AFG2B: variants seen among roughly 807,000 people sequenced by gnomAD.
The protein encoded by AFG2B is ATPase family gene 2 protein homolog B.
At chr15:45,419,997 CAAAAA>C in the AFG2B span, among the ~76,000 whole-genome samples, 9 of 53,700 alleles carry the variant, frequency 1.7e-4, no homozygotes, top group East Asian at 1.1e-3. Flanking sequence ...CCCCCCCCCC[CAAAAA>C]AAAAAAAAAA....
chr15:45,414,773 T>G, the AFG2B span: 1 of 1,613,746 alleles, frequency 6.2e-7, no homozygotes, highest in Non-Finnish European at 8.5e-7. Context: ...GAAAAAGTGT[T>G]GTCTCAGGTT....
At chr15:45,418,560 A>G in the AFG2B span, 1 of 1,594,596 alleles carries the variant, frequency 6.3e-7, no homozygotes, top group Non-Finnish European at 8.5e-7. Flanking sequence ...GTTCCAGGGC[A>G]GGCTTTCTAT....
chr15:45,409,320 G>A, the AFG2B span, among the ~76,000 whole-genome samples: 2 of 151,288 alleles, frequency 1.3e-5, no homozygotes, highest in East Asian at 3.9e-4. Context: ...GAGGCTGCAG[G>A]GAGCCAAGAT....
chr15:45,408,806 G>T, the AFG2B span, among the ~76,000 whole-genome samples: 5 of 152,244 alleles, frequency 3.3e-5, no homozygotes, highest in African/African-American at 1.2e-4. Context: ...GATCACTTGA[G>T]CCCAGGTGTT....
chr15:45,415,844 C>T, the AFG2B span: 1 of 1,482,278 alleles, frequency 6.7e-7, no homozygotes, highest in Middle Eastern at 1.7e-4. Flanking sequence ...AAAATCCAGG[C>T]CAACATTAAA....
the AFG2B span, chr15:45,417,012 C>T: frequency 4.9e-5 from 15 of 305,774 alleles, no homozygotes; most frequent in Non-Finnish European, 9.3e-5. Context: ...TGGGATAAGG[C>T]TTTTCATAGG....
At chr15:45,419,997 C>CCCCAAAAAAAAAAAAAAA in the AFG2B span, among the ~76,000 whole-genome samples, 1 of 53,710 alleles carries the variant, frequency 1.9e-5, no homozygotes, top group Admixed American at 3.0e-4. Flanking sequence ...CCCCCCCCCC[C>CCCCAAAAAAAAAAAAAAA]AAAAAAAAAA....
At chr15:45,415,546 G>A in the AFG2B span, 1 of 1,357,570 alleles carries the variant, frequency 7.4e-7, no homozygotes, top group Non-Finnish European at 1.0e-6. Flanking sequence ...CATGACTAAT[G>A]TATAACATAT....
chr15:45,410,526 A>G, the AFG2B span: 1 of 1,605,958 alleles, frequency 6.2e-7, no homozygotes, highest in Non-Finnish European at 8.5e-7. Flanking sequence ...CTGAAGTTAA[A>G]ACAGGTAAGA....
chr15:45,403,549 C>T, the AFG2B span: 2 of 1,587,920 alleles, frequency 1.3e-6, no homozygotes, highest in Non-Finnish European at 1.7e-6. Flanking sequence ...TGCCCACTGT[C>T]GGTGGAACCT....
the AFG2B span, chr15:45,405,605 T>C: frequency 9.1e-7 from 1 of 1,092,990 alleles, no homozygotes; most frequent in African/African-American, 1.6e-5. Context: ...CCTTAGAACA[T>C]TTGATAGCTT....
chr15:45,415,007 A>G, the AFG2B span, among the ~76,000 whole-genome samples: 2 of 152,134 alleles, frequency 1.3e-5, no homozygotes, highest in Non-Finnish European at 2.9e-5. Flanking sequence ...TCTGTTTTAA[A>G]TAAAATCAAA....
the AFG2B span, among the ~76,000 whole-genome samples, chr15:45,419,706 A>G: frequency 1.3e-5 from 2 of 151,870 alleles, no homozygotes; most frequent in Non-Finnish European, 2.9e-5. Flanking sequence ...AACCTCTGTC[A>G]CCTACCTTCT....
the AFG2B span, among the ~76,000 whole-genome samples, chr15:45,419,610 A>G: frequency 6.6e-6 from 1 of 152,196 alleles, no homozygotes; most frequent in Non-Finnish European, 1.5e-5. Flanking sequence ...TCATTGAATT[A>G]AAGTGATCAC....
the AFG2B span, chr15:45,407,175 A>G: frequency 1.6e-6 from 2 of 1,271,100 alleles, no homozygotes; most frequent in Non-Finnish European, 2.0e-6. Context: ...ACCCAGGGGA[A>G]GTGGAAGGAA....
At chr15:45,405,318 A>T in the AFG2B span, 1 of 1,613,758 alleles carries the variant, frequency 6.2e-7, no homozygotes, top group Non-Finnish European at 8.5e-7. Flanking sequence ...CTTTGCATAT[A>T]GGTGGTCATT....
At chr15:45,402,497 A>C in the AFG2B span, 1 of 1,609,358 alleles carries the variant, frequency 6.2e-7, no homozygotes, top group Non-Finnish European at 8.5e-7. Flanking sequence ...GACGCTAGAG[A>C]CCGGGGCACC....
the AFG2B span, among the ~76,000 whole-genome samples, chr15:45,411,846 C>T: frequency 6.6e-6 from 1 of 152,144 alleles, no homozygotes; most frequent in African/African-American, 2.4e-5. Flanking sequence ...CCTGTAATCC[C>T]AGCACTTTGG....
the AFG2B span, chr15:45,417,677 A>G: frequency 6.6e-6 from 2 of 301,056 alleles, no homozygotes; most frequent in Non-Finnish European, 6.3e-6. Flanking sequence ...GAGGAATCCT[A>G]AAGTGTTAAA....
Sources: allele counts gnomAD v4.1 joint callset (sites outside exome capture counted in the v4.1 genomes callset), GRCh38; gene constraint gnomAD v4.1.1; transcripts MANE v1.5; gene names NCBI Gene and HGNC (gene_info 2026-07-23, HGNC 2026-07-21).